Variants in NOVA1 observed in about 807,000 individuals in gnomAD.
NOVA1 encodes the protein NOVA alternative splicing regulator 1, also known as RNA-binding protein Nova-1.
Under a neutral mutation model 38.0 loss-of-function variants are expected in NOVA1, and 7 were observed. The ratio of observed to expected loss-of-function variants is 0.18; its 90% CI spans 0.10 to 0.35. The LOEUF is 0.35. Among genes scored for constraint, NOVA1 ranks in the 10% least tolerant of loss-of-function variants. The pLI is 1.00. For synonymous variants in NOVA1, 270 were observed against 232.5 expected (o/e 1.16, Z -1.47); for missense variants, 460 against 616.0 (o/e 0.75, Z 2.68).
chr14:26,508,516 A>G (rs1887812903), intron 2 of NOVA1, among the ~76,000 whole-genome samples: 1 of 151,314 alleles, frequency 6.6e-6, no homozygotes, highest in Non-Finnish European at 1.5e-5. Flanking sequence ...GATTTGATAA[A>G]TACCAACATT....
In NOVA1 at chr14:26,447,794, G is replaced by A; in HGVS notation, c.*165C>T. 2 of 626,516 alleles carry A rather than the reference G, an allele frequency of 3.2e-6. No individual in the cohort carries two copies. The highest frequency in any genetic ancestry group is 2.8e-6 in the Non-Finnish European group (1 of 355,240). The allele number at this position is 626,516 out of a possible 1,614,324, so 38.8% of individuals were successfully genotyped here. ...AAAAATTCTTTCTATGAAACATCTGGTAAAACACATATTATTTACATATAC... is the reference window on the plus strand; with the variant it reads ...AAAAATTCTTTCTATGAAACATCTGATAAAACACATATTATTTACATATAC... On this transcript the variant is annotated 3_prime_UTR_variant, in exon 5 of 5. Transcript: ENST00000539517.
intron 2 of NOVA1, among the ~76,000 whole-genome samples, chr14:26,483,447 T>G (rs1288512590): frequency 1.3e-5 from 2 of 152,204 alleles, no homozygotes; most frequent in East Asian, 3.9e-4. Flanking sequence ...ATTACTCTTT[T>G]GCAAACCTAA....
chr14:26,505,780 T>TA (rs1887599908), intron 2 of NOVA1, among the ~76,000 whole-genome samples: 1 of 152,206 alleles, frequency 6.6e-6, no homozygotes, highest in African/African-American at 2.4e-5. Context: ...AATCATGTGT[T>TA]ACTTGAGATT....
At chr14:26,528,551 G>A (rs1653997696) in intron 2 of NOVA1, among the ~76,000 whole-genome samples, 1 of 152,058 alleles carries the variant, frequency 6.6e-6, no homozygotes, top group Non-Finnish European at 1.5e-5. Flanking sequence ...CAGTAACCCT[G>A]GCTGTAGAAA....
At chr14:26,556,956 A>C (rs940582639) in intron 2 of NOVA1, among the ~76,000 whole-genome samples, 1 of 152,170 alleles carries the variant, frequency 6.6e-6, no homozygotes, top group African/African-American at 2.4e-5. Context: ...AAGAGGGAAT[A>C]AGGTGTTGTC....
intron 2 of NOVA1, among the ~76,000 whole-genome samples, chr14:26,540,402 G>A (rs61986521): frequency 0.041 from 6,268 of 152,210 alleles, 187 homozygotes; most frequent in South Asian, 0.097. Flanking sequence ...GGGAAAAATC[G>A]TCTTCCACAA....
intron 2 of NOVA1, among the ~76,000 whole-genome samples, chr14:26,523,587 C>T (rs1237808796): frequency 6.6e-6 from 1 of 152,148 alleles, no homozygotes; most frequent in Non-Finnish European, 1.5e-5. Context: ...GTTGCAACTA[C>T]TCAACTGCCA....
chr14:26,592,462 T>A (rs1893912940), intron 2 of NOVA1, among the ~76,000 whole-genome samples: 1 of 151,356 alleles, frequency 6.6e-6, no homozygotes, highest in Non-Finnish European at 1.5e-5. Context: ...AAGATTTGAT[T>A]TTGTAAAACA....
intron 2 of NOVA1, among the ~76,000 whole-genome samples, chr14:26,562,898 G>C (rs182351718): frequency 1.3e-5 from 2 of 152,092 alleles, no homozygotes; most frequent in African/African-American, 4.8e-5. Flanking sequence ...GGAGTCAAGG[G>C]ACAAGGTTAA....
chr14:26,529,649 A>G (rs1054268139), intron 2 of NOVA1, among the ~76,000 whole-genome samples: 1 of 152,152 alleles, frequency 6.6e-6, no homozygotes, highest in Non-Finnish European at 1.5e-5. Context: ...TATCACAAAC[A>G]GTTTCTCATG....
intron 2 of NOVA1, among the ~76,000 whole-genome samples, chr14:26,561,518 C>T (rs747207380): frequency 2.0e-5 from 3 of 152,126 alleles, no homozygotes; most frequent in Non-Finnish European, 2.9e-5. Flanking sequence ...GACAGCACAT[C>T]GTCTAGATTC....
chr14:26,484,066 T>A (rs1028418067), intron 2 of NOVA1, among the ~76,000 whole-genome samples: 1 of 152,108 alleles, frequency 6.6e-6, no homozygotes, highest in Non-Finnish European at 1.5e-5. Flanking sequence ...TCAAAATATT[T>A]CTGCAACAAC....
chr14:26,479,227 A>G (rs1490839787), intron 3 of NOVA1: 1 of 152,078 alleles, frequency 6.6e-6, no homozygotes, highest in African/African-American at 2.4e-5. Flanking sequence ...AACAATAATT[A>G]TGAACATAAT....
intron 2 of NOVA1, among the ~76,000 whole-genome samples, chr14:26,586,297 G>C (rs1750961983): frequency 1.3e-5 from 2 of 151,248 alleles, no homozygotes. Flanking sequence ...CTAATTAACT[G>C]AGTAGACCAA....
At chr14:26,544,417 T>C (rs1218489137) in intron 2 of NOVA1, among the ~76,000 whole-genome samples, 1 of 150,894 alleles carries the variant, frequency 6.6e-6, no homozygotes, top group Non-Finnish European at 1.5e-5. Context: ...CTACTTCTAA[T>C]CCCTGAACTT....
chr14:26,489,827 C>T (rs1299450142), intron 2 of NOVA1, among the ~76,000 whole-genome samples: 1 of 152,020 alleles, frequency 6.6e-6, no homozygotes, highest in Non-Finnish European at 1.5e-5. Context: ...CAGAGTGATA[C>T]TCTGTCTCAA....
At chr14:26,567,881 G>C (rs756696325) in intron 2 of NOVA1, among the ~76,000 whole-genome samples, 1 of 152,164 alleles carries the variant, frequency 6.6e-6, no homozygotes, top group Non-Finnish European at 1.5e-5. Context: ...TCTCTGAACT[G>C]CTGCACCTTT....
intron 2 of NOVA1, among the ~76,000 whole-genome samples, chr14:26,486,742 A>C (rs540167825): frequency 4.6e-5 from 7 of 150,704 alleles, no homozygotes; most frequent in African/African-American, 1.7e-4. Context: ...CAAAAAAAAA[A>C]CCAAGTAGTT....
At chr14:26,516,749 C>T (rs1888495478) in intron 2 of NOVA1, among the ~76,000 whole-genome samples, 1 of 152,142 alleles carries the variant, frequency 6.6e-6, no homozygotes, top group Non-Finnish European at 1.5e-5. Flanking sequence ...GCAGCAACAG[C>T]ACACTGTCTC....
Sources: gnomAD v4.1 joint callset for allele counts (sites outside exome capture counted in the v4.1 genomes callset) on GRCh38, gnomAD v4.1.1 for gene constraint, MANE v1.5 for transcripts, NCBI Gene and HGNC (gene_info 2026-07-23, HGNC 2026-07-21) for gene names.